Variants in PRKX observed in about 807,000 individuals in gnomAD.
PRKX encodes the protein protein kinase cAMP-dependent X-linked catalytic subunit.
Under a neutral mutation model 22.0 loss-of-function variants are expected in PRKX, and 12 were observed. The ratio of observed to expected loss-of-function variants is 0.54; its 90% CI spans 0.35 to 0.88. PRKX has a LOEUF of 0.88. PRKX is among the 40% of genes least tolerant of loss of function. PRKX has a pLI of 0.01. For missense variants in PRKX, 217 were observed against 308.0 expected, an observed-to-expected ratio of 0.70 and a Z score of 2.21; for synonymous variants, 134 against 137.7, an observed-to-expected ratio of 0.97 and a Z score of 0.19.
chrX:3,643,077 C>A (rs1395992508), intron 3 of PRKX, among the ~76,000 whole-genome samples: 15 of 99,632 alleles, frequency 1.5e-4, no homozygotes, highest in Non-Finnish European at 2.6e-4. Context: ...GGATGGTTTG[C>A]AAAGCTTACG....
At chrX:3,640,098 G>C (rs12839071) in intron 4 of PRKX, among the ~76,000 whole-genome samples, 1 of 108,535 alleles carries the variant, frequency 9.2e-6, no homozygotes, top group Admixed American at 1.0e-4. Flanking sequence ...GAGATGTGAG[G>C]GAGGATCTGG....
intron 3 of PRKX, among the ~76,000 whole-genome samples, chrX:3,643,581 C>A (rs1007974813): frequency 1.1e-4 from 12 of 111,026 alleles, no homozygotes; most frequent in Non-Finnish European, 2.1e-4. Flanking sequence ...CACATCCACC[C>A]TTCCTGCCAA....
chrX:3,614,078 A>T (rs1426716612), intron 7 of PRKX, among the ~76,000 whole-genome samples: 1 of 110,780 alleles, frequency 9.0e-6, no homozygotes, highest in Non-Finnish European at 1.9e-5. Flanking sequence ...CTAAGTGTCC[A>T]CCAATGGATG....
chrX:3,659,084 A>G (rs1377065553), intron 2 of PRKX, among the ~76,000 whole-genome samples: 2 of 110,892 alleles, frequency 1.8e-5, no homozygotes, highest in Admixed American at 1.9e-4. Flanking sequence ...TGAGCAGCAC[A>G]GCAAGATCCC....
At chrX:3,677,566 T>C (rs976071368) in intron 1 of PRKX, among the ~76,000 whole-genome samples, 1 of 111,173 alleles carries the variant, frequency 9.0e-6, no homozygotes, top group Non-Finnish European at 1.9e-5. Flanking sequence ...ATACAATGGA[T>C]TTCCTTCCAA....
chrX:3,698,834 G>A (rs1381091442), intron 1 of PRKX, among the ~76,000 whole-genome samples: 3 of 107,196 alleles, frequency 2.8e-5, no homozygotes, highest in African/African-American at 1.0e-4. Context: ...CAAGTGATCC[G>A]CCCACCTCAG....
chrX:3,693,891 G>A (rs1170603838), intron 1 of PRKX, among the ~76,000 whole-genome samples: 1 of 93,866 alleles, frequency 1.1e-5, no homozygotes, highest in Admixed American at 1.3e-4. Flanking sequence ...AGTGAGCCGA[G>A]ATTGCGCCAC....
chrX:3,712,122 CAGCCCA>C (rs1928802956), intron 1 of PRKX, among the ~76,000 whole-genome samples: 1 of 111,763 alleles, frequency 8.9e-6, no homozygotes, highest in Non-Finnish European at 1.9e-5. Flanking sequence ...TTGGGCTTCC[CAGCCCA>C]GCTTCCTCCT....
At chrX:3,708,346 T>C (rs111497789) in intron 1 of PRKX, among the ~76,000 whole-genome samples, 8 of 110,819 alleles carry the variant, frequency 7.2e-5, no homozygotes, top group African/African-American at 2.6e-4. Context: ...CGGTGGTGTT[T>C]TGCTACAACT....
At chrX:3,637,763 C>CT (rs68007143) in intron 4 of PRKX, among the ~76,000 whole-genome samples, 101 of 98,142 alleles carry the variant, frequency 1.0e-3, no homozygotes, top group Admixed American at 2.1e-3. Context: ...CATTTTCTTT[C>CT]TTTTTTTTTT....
At chrX:3,662,403 T>G (rs1927614487) in intron 2 of PRKX, among the ~76,000 whole-genome samples, 1 of 109,929 alleles carries the variant, frequency 9.1e-6, no homozygotes, top group African/African-American at 3.3e-5. Flanking sequence ...CTACAAAAAA[T>G]TAAAAATTAG....
At chrX:3,679,981 C>T (rs1286863321) in intron 1 of PRKX, among the ~76,000 whole-genome samples, 1 of 111,357 alleles carries the variant, frequency 9.0e-6, no homozygotes, top group Non-Finnish European at 1.9e-5. Flanking sequence ...CAGGTCTCCT[C>T]TCTCCCACTG....
intron 1 of PRKX, among the ~76,000 whole-genome samples, chrX:3,687,977 C>CA (rs960853399): frequency 1.5e-4 from 17 of 111,798 alleles, no homozygotes; most frequent in African/African-American, 4.9e-4. Flanking sequence ...ACTAAAAATA[C>CA]AAAAAATTGG....
chrX:3,711,279 T>C (rs1429529934), intron 1 of PRKX, among the ~76,000 whole-genome samples: 1 of 109,743 alleles, frequency 9.1e-6, no homozygotes, highest in Non-Finnish European at 1.9e-5. Flanking sequence ...AGGAGCATCA[T>C]CCTCATCCTC....
intron 6 of PRKX, among the ~76,000 whole-genome samples, chrX:3,620,114 C>T (rs765970484): frequency 5.4e-5 from 6 of 111,787 alleles, no homozygotes; most frequent in East Asian, 5.7e-4. Context: ...TCATCACCTG[C>T]GCACACAAAA....
At chrX:3,656,781 A>G (rs1927490635) in intron 2 of PRKX, among the ~76,000 whole-genome samples, 1 of 112,407 alleles carries the variant, frequency 8.9e-6, no homozygotes, top group Non-Finnish European at 1.9e-5. Context: ...GTCTTAGTCC[A>G]TTCTGGCTGC....
Position 3,608,183 on chromosome X carries a change from A to T in PRKX, c.*786T>A, listed in dbSNP as rs908180339. 1 of 111,182 alleles carries T rather than the reference A, an allele frequency of 9.0e-6. No homozygotes were observed. The highest frequency in any genetic ancestry group is 1.9e-5 in the Non-Finnish European group (1 of 53,048). The allele number at this position is 111,182 out of a possible 1,213,427, so 9.2% of individuals were successfully genotyped here. A position where few individuals can be genotyped will look rare whatever the true frequency, so the allele number is the denominator to read the frequency against. On this transcript the variant is annotated 3_prime_UTR_variant, in exon 9 of 9. Transcript: ENST00000262848. Reference sequence around the variant, plus strand: ...AGGAACAAGCCACTGCATCCAGCTCAGATGAAATTTTTGAATGTGTCACAG... The same window carrying T: ...AGGAACAAGCCACTGCATCCAGCTCTGATGAAATTTTTGAATGTGTCACAG...
intron 1 of PRKX, among the ~76,000 whole-genome samples, chrX:3,711,559 C>T (rs113685367): frequency 0.015 from 1,678 of 112,129 alleles, 36 homozygotes; most frequent in African/African-American, 0.051. Context: ...GAATGACAAA[C>T]GCTGGTGCTG....
At chrX:3,689,127 C>G (rs896167839) in intron 1 of PRKX, among the ~76,000 whole-genome samples, 18 of 112,212 alleles carry the variant, frequency 1.6e-4, no homozygotes, top group African/African-American at 5.8e-4. Flanking sequence ...GTGAAACCGA[C>G]GCATTGCATT....
Sources: gnomAD v4.1 joint callset for allele counts (sites outside exome capture counted in the v4.1 genomes callset) on GRCh38, gnomAD v4.1.1 for gene constraint, MANE v1.5 for transcripts, NCBI Gene and HGNC (gene_info 2026-07-23, HGNC 2026-07-21) for gene names.